The following IL36RN variants were observed in gnomAD, a reference collection of about 807,000 sequenced individuals.
The protein encoded by IL36RN is interleukin-36 receptor antagonist protein.
Under a neutral mutation model 13.0 loss-of-function variants are expected in IL36RN, and 11 were observed. The observed-to-expected ratio is 0.85, with a 90% CI of 0.53 to 1.40. IL36RN has a LOEUF of 1.40. Ranked by LOEUF, IL36RN falls within the 40% of genes most tolerant of loss-of-function variation. IL36RN has a pLI of 0.00. For synonymous variants in IL36RN, 94 were observed against 84.1 expected (o/e 1.12, Z -0.64); for missense variants, 195 against 195.3 (o/e 1.00, Z 0.01).
At position 113,063,550 on chromosome 2, in the gene IL36RN, C is replaced by T. The variant is rs947418218; in HGVS notation, c.*873C>T. On this transcript the variant is annotated 3_prime_UTR_variant, in exon 5 of 5. Coordinates refer to ENST00000393200, the MANE Select transcript of IL36RN (RefSeq NM_012275.3). Reference sequence around the variant, plus strand: ...AATTCTGTTAATTTACCTGTATTTCCTAATTTTTCTACAATGAAGATGAAT... The same window carrying T: ...AATTCTGTTAATTTACCTGTATTTCTTAATTTTTCTACAATGAAGATGAAT... 1 of 152,002 alleles carries T rather than the reference C, an allele frequency of 6.6e-6. No individual in the cohort carries two copies. The highest frequency in any genetic ancestry group is 1.5e-5 in the Non-Finnish European group (1 of 67,984). The allele number at this position is 152,002 out of a possible 1,614,324, so 9.4% of individuals were successfully genotyped here.
chr2:113,062,753 A>T lies in IL36RN; in HGVS notation c.*76A>T. ...TGAGTGGAGGAGACCCATGGCGGAC[A>T]ATCACTCTCTCTGCTCTCAGGACCC... On this transcript the variant is annotated 3_prime_UTR_variant, in exon 5 of 5. Transcript: ENST00000393200. The T allele has an allele frequency of 7.8e-7, 1 of 1,285,436 alleles. No homozygotes were observed. Among genetic ancestry groups the T allele is most frequent in the Non-Finnish European group, 1.1e-6 (1 of 910,264 alleles). 79.6% of individuals were successfully genotyped at this position (1,285,436 alleles called of 1,614,324 possible).
At chr2:113,059,361 A>G (rs1166027703) in intron 1 of IL36RN, 51 bp from the exon 2 acceptor site, 3 of 1,539,686 alleles carry the variant, frequency 1.9e-6, no homozygotes, top group Non-Finnish European at 1.8e-6. Flanking sequence ...CCCAGACCCC[A>G]GCCAACTCAG....
chr2:113,060,951 C>T lies in IL36RN; in HGVS notation c.115+14C>T. The T allele has an allele frequency of 6.2e-7, 1 of 1,600,006 alleles. No homozygotes were observed. Among genetic ancestry groups the T allele is most frequent in the Non-Finnish European group, 8.6e-7 (1 of 1,167,066 alleles). On this transcript the variant is annotated intron_variant, in intron 3 of 4. Coordinates refer to ENST00000393200, the MANE Select transcript of IL36RN (RefSeq NM_012275.3). Reference sequence around the variant, plus strand: ...AGGTCATTAAAGGTTGGTGATGAAACATGACCCACTTTCCTTGGTCTCTAT... The same window carrying T: ...AGGTCATTAAAGGTTGGTGATGAAATATGACCCACTTTCCTTGGTCTCTAT...
chr2:113,060,620 G>C (rs1217613488), intron 2 of IL36RN, among the ~76,000 whole-genome samples: 1 of 152,212 alleles, frequency 6.6e-6, no homozygotes, highest in African/African-American at 2.4e-5. Context: ...GGCAGAAAAG[G>C]TTGAATAGGG....
At position 113,062,943 on chromosome 2, in the gene IL36RN, A is replaced by C. The variant is rs1685673144; in HGVS notation, c.*266A>C. On this transcript the variant is annotated 3_prime_UTR_variant, in exon 5 of 5. Coordinates refer to ENST00000393200, the MANE Select transcript of IL36RN (RefSeq NM_012275.3). The stretch of plus-strand genomic sequence containing the variant: ...GGTAAACTGGGAATAACATGAAAAG[A>C]TTTCTGTGGAGGTGGGGTGGGGGAG... 2.1e-6 allele frequency: 1 copy of C among 482,718 alleles called. No homozygotes were observed. Among genetic ancestry groups the C allele is most frequent in the Non-Finnish European group, 3.8e-6 (1 of 263,474 alleles). 29.9% of individuals were successfully genotyped at this position (482,718 alleles called of 1,614,324 possible).
intron 4 of IL36RN, 22 bp downstream of exon 4, chr2:113,062,273 C>T (rs571589576): frequency 6.2e-7 from 1 of 1,613,668 alleles, no homozygotes. Flanking sequence ...GGCATCCTCA[C>T]TGGGGACTCA....
intron 2 of IL36RN, among the ~76,000 whole-genome samples, chr2:113,059,836 A>G (rs565680995): frequency 1.8e-4 from 28 of 152,052 alleles, no homozygotes; most frequent in Admixed American, 5.9e-4. Context: ...CCTCCCTGCT[A>G]CTCTTTGGGG....
chr2:113,061,149 T>G (rs1685632834), intron 3 of IL36RN, among the ~76,000 whole-genome samples: 1 of 152,228 alleles, frequency 6.6e-6, no homozygotes, highest in Non-Finnish European at 1.5e-5. Flanking sequence ...CTGAAGCTTC[T>G]ATGCAGAAGT....
chr2:113,060,008 C>T (rs56665613), intron 2 of IL36RN, among the ~76,000 whole-genome samples: 1 of 152,146 alleles, frequency 6.6e-6, no homozygotes, highest in Non-Finnish European at 1.5e-5. Context: ...CTATGGGACT[C>T]GATTAGAGGA....
Position 113,062,578 on chromosome 2 carries a change from G to C in IL36RN, c.369G>C (p.Thr123=), listed in dbSNP as rs28938778. The change falls in exon 5 of 5, where the codon ACG becomes ACC. Residue 123 remains threonine (T), a synonymous_variant. Coordinates refer to ENST00000393200, the MANE Select transcript of IL36RN (RefSeq NM_012275.3). ...CCTACCCGGGCTGGTTCCTGTGCACGGTGCCTGAAGCCGATCAGCCTGTCA... is the reference window on the plus strand; with the variant it reads ...CCTACCCGGGCTGGTTCCTGTGCACCGTGCCTGAAGCCGATCAGCCTGTCA... The part of the protein sequence containing the change: ...SAAYPGWFLC[T]VPEADQPVRL... 1,942 of 1,613,826 alleles carry C rather than the reference G, an allele frequency of 1.2e-3. 20 individuals carry two copies. In the African/African-American group the frequency reaches 0.023, roughly 19 times the overall value.
intron 4 of IL36RN, 25 bp downstream of exon 4, chr2:113,062,276 G>A (rs553382111): frequency 1.2e-6 from 2 of 1,613,456 alleles, no homozygotes; most frequent in African/African-American, 2.7e-5. Context: ...ATCCTCACTG[G>A]GGACTCAGCC....
At chr2:113,061,989 C>G in intron 3 of IL36RN, 135 bp from the exon 4 acceptor site, 1 of 1,188,132 alleles carries the variant, frequency 8.4e-7, no homozygotes, top group Non-Finnish European at 1.2e-6. Context: ...CATGTCATGA[C>G]AGCTGCTGAG....
chr2:113,062,221 G>A lies in IL36RN; in HGVS notation c.213G>A (p.Gly71=), dbSNP rs1488230139. ...VQGGSQCLSC[G]VGQEPTLTLE... ...GTGGAAGCCAGTGCCTGTCATGTGG[G>A]GTGGGGCAGGAGCCGACTCTAACAC... is the stretch of plus-strand genomic sequence containing the variant. Residue 71 remains glycine, a synonymous_variant, in exon 4 of 5, where the codon GGG becomes GGA. Coordinates refer to ENST00000393200, the MANE Select transcript of IL36RN (RefSeq NM_012275.3). 1.9e-6 allele frequency: 3 copies of A among 1,614,118 alleles called. No individual in the cohort carries two copies. The highest frequency in any genetic ancestry group is 2.2e-5 in the East Asian group (1 of 44,880).
chr2:113,062,352 A>G, intron 4 of IL36RN, 101 bp downstream of exon 4: 1 of 1,606,798 alleles, frequency 6.2e-7, no homozygotes, highest in Non-Finnish European at 8.5e-7. Context: ...CCCTAGCAGG[A>G]TTCTGTTGAT....
rs182598494 is a variant in IL36RN at position 113,062,783 on chromosome 2, G to T, written c.*106G>T. The T allele has an allele frequency of 2.0e-6, 2 of 985,480 alleles. No individual in the cohort carries two copies. Among genetic ancestry groups the T allele is most frequent in the African/African-American group, 3.2e-5 (2 of 62,400 alleles). The allele number at this position is 985,480 out of a possible 1,614,324, so 61.0% of individuals were successfully genotyped here. Reference sequence around the variant, plus strand: ...CTCTCTCTGCTCTCAGGACCCCCACGTCTGACTTAGTGGGCACCTGACCAC... The same window carrying T: ...CTCTCTCTGCTCTCAGGACCCCCACTTCTGACTTAGTGGGCACCTGACCAC... On this transcript the variant is annotated 3_prime_UTR_variant, in exon 5 of 5. Coordinates refer to ENST00000393200, the MANE Select transcript of IL36RN (RefSeq NM_012275.3).
intron 1 of IL36RN, 27 bp from the exon 2 acceptor site, chr2:113,059,385 G>C (rs1685593555): frequency 1.2e-6 from 2 of 1,607,518 alleles, no homozygotes; most frequent in South Asian, 2.2e-5. Context: ...CTCTCTCCAT[G>C]ATTTTCTGTT....
At position 113,062,138 on chromosome 2, in the gene IL36RN, G is replaced by C. The variant is rs776622427; in HGVS notation, c.130G>C (p.Val44Leu). 6.2e-7 allele frequency: 1 copy of C among 1,614,088 alleles called. No individual in the cohort carries two copies. Among genetic ancestry groups the C allele is most frequent in the Non-Finnish European group, 8.5e-7 (1 of 1,179,964 alleles). Residue 44 changes from valine (V) to leucine (L), a missense_variant, in exon 4 of 5, where the codon GTG becomes CTG. Coordinates refer to ENST00000393200, the MANE Select transcript of IL36RN (RefSeq NM_012275.3). ...GKVIKGEEIS[V>L]VPNRWLDASL... ...CTTTCCCACAGGTGAAGAGATCAGC[G>C]TGGTCCCCAATCGGTGGCTGGATGC...
Position 113,059,465 on chromosome 2 carries a change from C to T in IL36RN, c.27C>T (p.Phe9=). MVLSGALC[F]RMKDSALKVL... is the part of the protein sequence containing the mutation. ...TGGTCCTGAGTGGGGCGCTGTGCTTCCGGTGAGTGTATGAGGCCCTGGTTT... is the reference window on the plus strand; with the variant it reads ...TGGTCCTGAGTGGGGCGCTGTGCTTTCGGTGAGTGTATGAGGCCCTGGTTT... Residue 9 remains phenylalanine (F), a splice_region_variant and synonymous_variant, in exon 2 of 5, where the codon TTC becomes TTT. Coordinates refer to ENST00000393200, the MANE Select transcript of IL36RN (RefSeq NM_012275.3). 6.2e-7 allele frequency: 1 copy of T among 1,613,862 alleles called. No individual in the cohort carries two copies. The highest frequency in any genetic ancestry group is 1.7e-4 in the Middle Eastern group (1 of 5,838).
At position 113,062,833 on chromosome 2, in the gene IL36RN, A is replaced by G; in HGVS notation, c.*156A>G. 1.4e-6 allele frequency: 1 copy of G among 718,486 alleles called. No individual in the cohort carries two copies. 44.5% of individuals were successfully genotyped at this position (718,486 alleles called of 1,614,324 possible). A position where few individuals can be genotyped will look rare whatever the true frequency, so the allele number is the denominator to read the frequency against. On this transcript the variant is annotated 3_prime_UTR_variant, in exon 5 of 5. Transcript: ENST00000393200. ...CTTTGTCTTCTGGTTCCCAGTTTGGATAAATTCTGAGATTTGGAGCTCAGT... is the reference window on the plus strand; with the variant it reads ...CTTTGTCTTCTGGTTCCCAGTTTGGGTAAATTCTGAGATTTGGAGCTCAGT...
Sources: allele counts gnomAD v4.1 joint callset (sites outside exome capture counted in the v4.1 genomes callset), GRCh38; gene constraint gnomAD v4.1.1; transcripts MANE v1.5; gene names NCBI Gene and HGNC (gene_info 2026-07-23, HGNC 2026-07-21).